Variants in CPNE8 observed in about 807,000 individuals in gnomAD.
The protein encoded by CPNE8 is copine-8.
A neutral mutation model predicts 81.5 loss-of-function variants in CPNE8; 45 were observed. The ratio of observed to expected loss-of-function variants is 0.55; its 90% CI spans 0.44 to 0.71. The LOEUF (loss-of-function observed/expected upper bound fraction) is 0.71. Ranked by LOEUF, CPNE8 falls within the 30% of genes least tolerant of loss-of-function variation. The probability of loss-of-function intolerance (pLI) is 0.00; values close to 1 mark genes in which losing one functional copy is unlikely to be tolerated. For missense variants in CPNE8, 594 were observed against 672.1 expected (o/e 0.88, Z 1.28); for synonymous variants, 252 against 226.3 (o/e 1.11, Z -1.02).
At chr12:38,704,246 A>C (rs1027900570) in intron 13 of CPNE8, among the ~76,000 whole-genome samples, 2 of 152,152 alleles carry the variant, frequency 1.3e-5, no homozygotes, top group Admixed American at 1.3e-4. Context: ...GTAATTCTTG[A>C]ATCTAAAATA....
intron 4 of CPNE8, among the ~76,000 whole-genome samples, chr12:38,840,958 A>AT (rs937627460): frequency 1.3e-5 from 2 of 152,154 alleles, no homozygotes; most frequent in African/African-American, 4.8e-5. Flanking sequence ...AATCATATTC[A>AT]TTTCAAATTT....
intron 6 of CPNE8, among the ~76,000 whole-genome samples, chr12:38,794,727 T>C (rs142956789): frequency 5.3e-5 from 8 of 151,724 alleles, no homozygotes; most frequent in African/African-American, 1.7e-4. Flanking sequence ...GGTGGGATTA[T>C]AAAACAGTGC....
chr12:38,793,329 TACACACACACAC>T (rs55794135), intron 6 of CPNE8, among the ~76,000 whole-genome samples: 1 of 148,960 alleles, frequency 6.7e-6, no homozygotes, highest in Non-Finnish European at 1.5e-5. Context: ...TTCTAAAAAT[TACACACACACAC>T]ACACACACAC....
chr12:38,758,308 A>T (rs1270166783), intron 10 of CPNE8, among the ~76,000 whole-genome samples: 1 of 151,740 alleles, frequency 6.6e-6, no homozygotes, highest in Admixed American at 6.6e-5. Flanking sequence ...CTAGTTACAT[A>T]AAAACTGTTA....
intron 14 of CPNE8, among the ~76,000 whole-genome samples, chr12:38,699,114 T>C (rs1247157327): frequency 6.6e-6 from 1 of 152,204 alleles, no homozygotes; most frequent in Non-Finnish European, 1.5e-5. Context: ...TCTCTCTTTA[T>C]TTTCATTTTT....
chr12:38,727,757 G>A (rs966207819), intron 11 of CPNE8, among the ~76,000 whole-genome samples: 3 of 152,156 alleles, frequency 2.0e-5, no homozygotes, highest in African/African-American at 4.8e-5. Flanking sequence ...AGAATGAGAT[G>A]CTTATCGGGG....
intron 19 of CPNE8, among the ~76,000 whole-genome samples, chr12:38,667,956 C>T (rs372082936): frequency 1.1e-3 from 171 of 152,150 alleles, no homozygotes; most frequent in African/African-American, 3.8e-3. Context: ...CGCCACCACA[C>T]GCTGGTAATT....
chr12:38,819,864 T>G (rs985389222), intron 6 of CPNE8, among the ~76,000 whole-genome samples: 7 of 151,412 alleles, frequency 4.6e-5, no homozygotes, highest in Non-Finnish European at 1.0e-4. Context: ...CCAAGATAAG[T>G]GTGATGCTTA....
chr12:38,834,959 T>G (rs1289640779), intron 5 of CPNE8, among the ~76,000 whole-genome samples: 1 of 151,436 alleles, frequency 6.6e-6, no homozygotes, highest in Non-Finnish European at 1.5e-5. Context: ...CACTGCAACC[T>G]CCGCCTCCCT....
intron 18 of CPNE8, among the ~76,000 whole-genome samples, chr12:38,672,509 C>A (rs1939198248): frequency 6.6e-6 from 1 of 152,114 alleles, no homozygotes; most frequent in African/African-American, 2.4e-5. Context: ...CAGTCTCCCA[C>A]CATTACCTCT....
chr12:38,777,338 T>A (rs1941957295), intron 6 of CPNE8, among the ~76,000 whole-genome samples: 1 of 152,186 alleles, frequency 6.6e-6, no homozygotes, highest in Admixed American at 6.5e-5. Flanking sequence ...AGGAAATATT[T>A]TTGTACAGCT....
At chr12:38,790,113 A>T (rs1034289659) in intron 6 of CPNE8, among the ~76,000 whole-genome samples, 3 of 151,808 alleles carry the variant, frequency 2.0e-5, no homozygotes, top group African/African-American at 7.2e-5. Context: ...CTAGGTATAT[A>T]CAAAAAAGAA....
At chr12:38,787,706 C>G (rs1205156182) in intron 6 of CPNE8, among the ~76,000 whole-genome samples, 1 of 151,228 alleles carries the variant, frequency 6.6e-6, no homozygotes, top group Non-Finnish European at 1.5e-5. Flanking sequence ...TTTAGGCAGA[C>G]TAATAAATAA....
chr12:38,880,653 A>G (rs182772592), intron 1 of CPNE8, among the ~76,000 whole-genome samples: 3 of 152,314 alleles, frequency 2.0e-5, no homozygotes. Flanking sequence ...ATGTACATAC[A>G]CACAAAATGG....
At chr12:38,709,161 T>C (rs1213828535) in intron 13 of CPNE8, among the ~76,000 whole-genome samples, 1 of 152,204 alleles carries the variant, frequency 6.6e-6, no homozygotes, top group East Asian at 1.9e-4. Flanking sequence ...CACACTTTGG[T>C]TCTGGAACAT....
chr12:38,797,351 C>T (rs1942514172), intron 6 of CPNE8, among the ~76,000 whole-genome samples: 2 of 152,176 alleles, frequency 1.3e-5, no homozygotes, highest in Non-Finnish European at 1.5e-5. Context: ...TGAGACAAAA[C>T]TTCCAGAGGA....
intron 19 of CPNE8, among the ~76,000 whole-genome samples, chr12:38,669,847 G>A (rs986266427): frequency 2.0e-5 from 3 of 152,148 alleles, no homozygotes; most frequent in African/African-American, 7.2e-5. Flanking sequence ...AGCAGACTCG[G>A]GGGATATGCC....
At chr12:38,744,727 C>T (rs913395090) in intron 10 of CPNE8, among the ~76,000 whole-genome samples, 4 of 150,312 alleles carry the variant, frequency 2.7e-5, no homozygotes, top group Non-Finnish European at 5.9e-5. Context: ...TCAACAAAAG[C>T]AGAACAACCA....
At chr12:38,813,238 A>G (rs1942967221) in intron 6 of CPNE8, among the ~76,000 whole-genome samples, 1 of 152,234 alleles carries the variant, frequency 6.6e-6, no homozygotes, top group Admixed American at 6.5e-5. Context: ...GGACTAATGC[A>G]TAATGAGACC....
Sources: gnomAD v4.1 joint callset for allele counts (sites outside exome capture counted in the v4.1 genomes callset) on GRCh38, gnomAD v4.1.1 for gene constraint, MANE v1.5 for transcripts, NCBI Gene and HGNC (gene_info 2026-07-23, HGNC 2026-07-21) for gene names.